Variants in CHLSN observed in about 807,000 individuals in gnomAD.
CHLSN encodes the protein protein cholesin.
the CHLSN span, among the ~76,000 whole-genome samples, chr7:1,090,826 C>T: frequency 6.6e-6 from 1 of 152,144 alleles, no homozygotes; most frequent in Admixed American, 6.5e-5. Flanking sequence ...ATATTATTTC[C>T]CAAAACAATG....
At chr7:1,033,112 C>G in the CHLSN span, among the ~76,000 whole-genome samples, 2 of 152,228 alleles carry the variant, frequency 1.3e-5, no homozygotes, top group African/African-American at 4.8e-5. Context: ...TAGTAGAACC[C>G]TGATACCCAA....
At chr7:1,133,408 A>AAAC in the CHLSN span, among the ~76,000 whole-genome samples, 78 of 151,618 alleles carry the variant, frequency 5.1e-4, no homozygotes, top group African/African-American at 1.9e-3. Context: ...AAAAAAAAAA[A>AAAC]AAAAACTATA....
chr7:1,009,056 TGC>T, the CHLSN span, among the ~76,000 whole-genome samples: 1 of 115,396 alleles, frequency 8.7e-6, no homozygotes, highest in Admixed American at 9.5e-5. Context: ...CACGTACACG[TGC>T]ACGTGCACGC....
chr7:995,137 C>G, the CHLSN span, among the ~76,000 whole-genome samples: 1 of 152,272 alleles, frequency 6.6e-6, no homozygotes, highest in Non-Finnish European at 1.5e-5. Flanking sequence ...CACACAGCCC[C>G]AGCACATGTG....
At chr7:1,112,548 A>C in the CHLSN span, among the ~76,000 whole-genome samples, 4 of 152,264 alleles carry the variant, frequency 2.6e-5, no homozygotes, top group South Asian at 8.3e-4. Context: ...GAAGCCAGGA[A>C]AGTCCCACGG....
chr7:979,684 G>A, the CHLSN span, among the ~76,000 whole-genome samples: 2 of 151,858 alleles, frequency 1.3e-5, no homozygotes, highest in East Asian at 1.9e-4. Context: ...CCTGGGAGGC[G>A]GAGGTTGCAG....
chr7:1,016,121 A>AGCG, the CHLSN span, among the ~76,000 whole-genome samples: 1 of 74,684 alleles, frequency 1.3e-5, no homozygotes, highest in African/African-American at 8.5e-5. Flanking sequence ...GCACAGCAGC[A>AGCG]CACAGCAGCA....
chr7:1,110,392 C>T, the CHLSN span, among the ~76,000 whole-genome samples: 77,551 of 151,864 alleles, frequency 0.51, 20,323 homozygotes, highest in African/African-American at 0.61. Flanking sequence ...CCAAAGACCC[C>T]TCACCCCTCT....
chr7:1,133,513 G>A, the CHLSN span, among the ~76,000 whole-genome samples: 2 of 151,942 alleles, frequency 1.3e-5, no homozygotes, highest in South Asian at 4.1e-4. Context: ...CACTTTGGGA[G>A]GCTGAGGCAG....
At chr7:1,029,699 A>T in the CHLSN span, among the ~76,000 whole-genome samples, 100,753 of 152,174 alleles carry the variant, frequency 0.66, 34,945 homozygotes, top group African/African-American at 0.87. Flanking sequence ...GGACACACTG[A>T]GCTCTGGTCG....
At chr7:991,913 G>A in the CHLSN span, among the ~76,000 whole-genome samples, 9 of 152,146 alleles carry the variant, frequency 5.9e-5, no homozygotes, top group South Asian at 2.1e-4. Context: ...TGGGGACCTC[G>A]AGTGAGTGGG....
the CHLSN span, among the ~76,000 whole-genome samples, chr7:1,044,291 G>T: frequency 0.11 from 16,273 of 152,280 alleles, 1,151 homozygotes; most frequent in Middle Eastern, 0.2. Flanking sequence ...GGCACTAAGA[G>T]AATTCTCAAA....
the CHLSN span, among the ~76,000 whole-genome samples, chr7:1,028,032 C>T: frequency 2.7e-5 from 4 of 149,396 alleles, no homozygotes; most frequent in Non-Finnish European, 6.0e-5. Flanking sequence ...GGGAGGAGGG[C>T]GCGGGACCGT....
the CHLSN span, among the ~76,000 whole-genome samples, chr7:1,019,449 C>G: frequency 1.3e-5 from 2 of 152,246 alleles, no homozygotes; most frequent in Admixed American, 6.5e-5. Flanking sequence ...GAAGGAGAGG[C>G]TTCCTGGCAC....
At chr7:1,036,074 C>T in the CHLSN span, among the ~76,000 whole-genome samples, 2 of 152,158 alleles carry the variant, frequency 1.3e-5, no homozygotes, top group African/African-American at 4.8e-5. Context: ...ACCATGGAGC[C>T]AGGAAAGGGT....
the CHLSN span, among the ~76,000 whole-genome samples, chr7:1,050,536 C>T: frequency 6.6e-6 from 1 of 152,230 alleles, no homozygotes; most frequent in African/African-American, 2.4e-5. Context: ...CTGGGGCTCC[C>T]AGCTCCGAGC....
the CHLSN span, among the ~76,000 whole-genome samples, chr7:1,002,348 G>GT: frequency 5.1e-5 from 6 of 118,352 alleles, no homozygotes; most frequent in Admixed American, 8.5e-5. Context: ...CCTGTGGGTG[G>GT]GGAGTCCTGT....
chr7:1,064,606 A>G, the CHLSN span, among the ~76,000 whole-genome samples: 1 of 152,154 alleles, frequency 6.6e-6, no homozygotes, highest in South Asian at 2.1e-4. Context: ...CTCAAGTGTC[A>G]CCCTGAAAGG....
chr7:997,625 C>T, the CHLSN span: 8 of 1,602,892 alleles, frequency 5.0e-6, no homozygotes, highest in Non-Finnish European at 6.8e-6. Flanking sequence ...GCTGAACCCA[C>T]TAGGAGAGCA....
Sources: gnomAD v4.1 joint callset for allele counts (sites outside exome capture counted in the v4.1 genomes callset) on GRCh38, gnomAD v4.1.1 for gene constraint, MANE v1.5 for transcripts, NCBI Gene and HGNC (gene_info 2026-07-23, HGNC 2026-07-21) for gene names.